The following SLC5A11 variants were observed in gnomAD, a reference collection of about 807,000 sequenced individuals.
SLC5A11 encodes the protein solute carrier family 5 member 11, also known as sodium/myo-inositol cotransporter 2.
In SLC5A11, 48 loss-of-function variants were observed where a neutral mutation model predicts 69.8. The observed-to-expected ratio is 0.69, with a 90% confidence interval of 0.55 to 0.87. The LOEUF (loss-of-function observed/expected upper bound fraction) is 0.87, where lower values mean the gene tolerates loss of function less well. Among genes scored for constraint, SLC5A11 ranks in the 40% least tolerant of loss-of-function variants. SLC5A11 has a pLI of 0.00. For synonymous variants in SLC5A11, 319 were observed against 342.4 expected, an observed-to-expected ratio of 0.93 and a Z score of 0.75; for missense variants, 784 against 866.1, an observed-to-expected ratio of 0.91 and a Z score of 1.19.
Position 24,907,162 on chromosome 16 carries a change from ATGAT to A in SLC5A11, c.1255_1258del (p.Ile419TrpfsTer65). On this transcript the variant is annotated frameshift_variant, in exon 12 of 16. Coordinates refer to ENST00000347898, the Ensembl canonical transcript of SLC5A11. LOFTEE classifies it high-confidence loss of function. The stretch of plus-strand genomic sequence containing the variant: ...GCCTCGGGCATCTGAGAAGGAGCTC[ATGAT>A]TGTGGGCAGGTAAGTCCCCACTGGG... 1 of 1,614,014 alleles carries A rather than the reference ATGAT, an allele frequency of 6.2e-7. No individual in the cohort carries two copies. The highest frequency in any genetic ancestry group is 8.5e-7 in the Non-Finnish European group (1 of 1,179,940).
At chr16:24,900,020 C>T (rs769910424) in intron 10 of SLC5A11, among the ~76,000 whole-genome samples, 1 of 152,012 alleles carries the variant, frequency 6.6e-6, no homozygotes, top group Non-Finnish European at 1.5e-5. Context: ...CTTTTCTTAA[C>T]AAATCTCATG....
chr16:24,851,800 G>A (rs1195071535), intron 1 of SLC5A11, among the ~76,000 whole-genome samples: 1 of 152,140 alleles, frequency 6.6e-6, no homozygotes, highest in Non-Finnish European at 1.5e-5. Context: ...CACGATGAAG[G>A]AGCTCACAGG....
chr16:24,888,526 C>G lies in SLC5A11; in HGVS notation c.665-2343C>G, dbSNP rs2048544540. ...TTGAGATGGACTCTTGCTCTGTCAC[C>G]AAGCTAGAGTACAGTGGCACAATCT... is the stretch of plus-strand genomic sequence containing the variant. On this transcript the variant is annotated intron_variant, in intron 8 of 15. Transcript: ENST00000347898. Among the ~76,000 whole-genome samples, 4 of 132,714 alleles carry G rather than the reference C, an allele frequency of 3.0e-5. No homozygotes were observed. In the Admixed American group the frequency reaches 3.5e-4, roughly 11 times the overall value. 87.1% of individuals were successfully genotyped at this position (132,714 alleles called of 152,430 possible). A position where few individuals can be genotyped will look rare whatever the true frequency, so the allele number is the denominator to read the frequency against.
chr16:24,875,710 C>T (rs950665044), exon 6 of SLC5A11: 2 of 1,613,884 alleles, frequency 1.2e-6, no homozygotes, highest in Admixed American at 3.3e-5. Flanking sequence ...ACCTATTTAT[C>T]TACATCTTCA....
At position 24,880,281 on chromosome 16, in the gene SLC5A11, G is replaced by A. The variant is rs1403253516; in HGVS notation, c.583+2918G>A. Among the ~76,000 whole-genome samples the A allele has an allele frequency of 3.3e-5, 5 of 152,292 alleles. No individual in the cohort carries two copies. The East Asian group carries it at 5.8e-4, about 18-fold the overall frequency. ...TGGAAGGCAAAGGGGAAGTAAGCAC[G>A]TCCTACCATGATGGAGCCGGAGAGA... On this transcript the variant is annotated intron_variant, in intron 7 of 15. Transcript: ENST00000347898.
chr16:24,901,529 C>T (rs887626571), intron 10 of SLC5A11, among the ~76,000 whole-genome samples: 15 of 151,842 alleles, frequency 9.9e-5, no homozygotes, highest in South Asian at 2.1e-4. Flanking sequence ...GTGGGAGGAT[C>T]GCTTGAGCCT....
At chr16:24,909,078 G>A (rs546144526) in exon 14 of SLC5A11, 3 of 1,614,106 alleles carry the variant, frequency 1.9e-6, no homozygotes, top group African/African-American at 2.7e-5. Context: ...GGTTCACAGA[G>A]CCACCCTCCA....
intron 13 of SLC5A11, 56 bp from the exon 15 acceptor site, chr16:24,908,825 T>C (rs1014530763): frequency 2.2e-5 from 34 of 1,560,498 alleles, no homozygotes; most frequent in Non-Finnish European, 2.8e-5. Flanking sequence ...CTTCTTGAGG[T>C]TCCTGGAGGC....
chr16:24,868,938 GCTCGTTGCAAC>G (rs2047095325), intron 3 of SLC5A11, among the ~76,000 whole-genome samples: 1 of 150,798 alleles, frequency 6.6e-6, no homozygotes, highest in Non-Finnish European at 1.5e-5. Flanking sequence ...TGCAATCTCG[GCTCGTTGCAAC>G]CTCCACCTCC....
At chr16:24,898,034 A>T (rs745435326) in exon 10 of SLC5A11, 3 of 1,614,038 alleles carry the variant, frequency 1.9e-6, no homozygotes, top group Admixed American at 1.7e-5. Context: ...AGGTGCTCTG[A>T]TGGCTGCATA....
intron 10 of SLC5A11, among the ~76,000 whole-genome samples, chr16:24,901,962 A>ACGCGCGCGCG (rs1445975305): frequency 6.4e-5 from 8 of 125,718 alleles, no homozygotes; most frequent in African/African-American, 1.8e-4. Context: ...ACACACGCAC[A>ACGCGCGCGCG]CACACACACA....
intron 3 of SLC5A11, among the ~76,000 whole-genome samples, chr16:24,864,329 AG>A (rs2046786484): frequency 1.3e-5 from 2 of 152,220 alleles, no homozygotes; most frequent in Non-Finnish European, 2.9e-5. Flanking sequence ...TATTGGTTTC[AG>A]GGATTTAAGA....
rs191730088 is a variant in SLC5A11 at position 24,883,239 on chromosome 16, C to A, written c.584-812C>A. Reference sequence around the variant, plus strand: ...AATTAGCCAGGCATGGTGGCTCATGCTTATAGTCCTAGCTACTTGGGGGAC... The same window carrying A: ...AATTAGCCAGGCATGGTGGCTCATGATTATAGTCCTAGCTACTTGGGGGAC... On this transcript the variant is annotated intron_variant, in intron 7 of 15. Coordinates refer to ENST00000347898, the Ensembl canonical transcript of SLC5A11. 5.3e-4 allele frequency among the ~76,000 whole-genome samples: 78 copies of A among 147,260 alleles called. 1 individual carries two copies. The highest frequency in any genetic ancestry group is 1.7e-3 in the African/African-American group (71 of 40,936).
At position 24,850,356 on chromosome 16, in the gene SLC5A11, G is replaced by A. The variant is rs890073061; in HGVS notation, c.-25+3918G>A. On this transcript the variant is annotated intron_variant, in intron 1 of 15. Transcript: ENST00000347898. ...GGTGGTCATTTAGCTCCTTATTCCT[G>A]CAGTTCTAGTCCCAGACAGCCCTTC... Among the ~76,000 whole-genome samples, 61 of 152,174 alleles carry A rather than the reference G, an allele frequency of 4.0e-4. 1 individual carries two copies. Among genetic ancestry groups the A allele is most frequent in the African/African-American group, 1.4e-3 (57 of 41,436 alleles).
intron 3 of SLC5A11, among the ~76,000 whole-genome samples, chr16:24,869,008 T>C (rs1057189570): frequency 1.3e-5 from 2 of 151,852 alleles, no homozygotes; most frequent in Non-Finnish European, 2.9e-5. Flanking sequence ...GCTGGGATTA[T>C]AGGCATGTGT....
intron 15 of SLC5A11, among the ~76,000 whole-genome samples, chr16:24,910,903 T>G (rs762680876): frequency 3.9e-5 from 6 of 152,152 alleles, no homozygotes; most frequent in African/African-American, 1.4e-4. Flanking sequence ...TCAGCATGGC[T>G]CAGGCCTGTA....
At chr16:24,854,922 T>C (rs991642078) in intron 1 of SLC5A11, among the ~76,000 whole-genome samples, 2 of 152,098 alleles carry the variant, frequency 1.3e-5, no homozygotes, top group African/African-American at 4.8e-5. Flanking sequence ...TCTCTCACTT[T>C]CTTGCACAGA....
chr16:24,908,317 G>C (rs947591045), intron 13 of SLC5A11, among the ~76,000 whole-genome samples, 186 bp downstream of exon 14: 2 of 152,132 alleles, frequency 1.3e-5, no homozygotes, highest in Non-Finnish European at 2.9e-5. Context: ...AGCAATGAGA[G>C]GGCTGCTGCG....
chr16:24,882,642 T>G (rs921808852), intron 7 of SLC5A11, among the ~76,000 whole-genome samples: 21 of 152,194 alleles, frequency 1.4e-4, no homozygotes, highest in Non-Finnish European at 2.8e-4. Context: ...TTATGAATTT[T>G]TATGTATTTA....
Sources: gnomAD v4.1 joint callset for allele counts (sites outside exome capture counted in the v4.1 genomes callset) on GRCh38, gnomAD v4.1.1 for gene constraint, MANE v1.5 for transcripts, NCBI Gene and HGNC (gene_info 2026-07-23, HGNC 2026-07-21) for gene names.